The following ACSM2A variants were observed in gnomAD, a reference collection of about 807,000 sequenced individuals.
The protein encoded by ACSM2A is acyl-coenzyme A synthetase ACSM2A, mitochondrial.
ACSM2A carries 72 observed loss-of-function variants against 76.6 expected under a neutral mutation model. That is an observed-to-expected ratio of 0.94 (90% CI 0.78 to 1.14). The LOEUF (loss-of-function observed/expected upper bound fraction) is 1.14, where lower values mean the gene tolerates loss of function less well. Among genes scored for constraint, ACSM2A ranks in the 50% most tolerant of loss-of-function variants. The pLI is 0.00. For synonymous variants in ACSM2A, 249 were observed against 255.9 expected (o/e 0.97, Z 0.26); for missense variants, 684 against 708.5 (o/e 0.97, Z 0.39).
chr16:20,463,576 A>G (rs1444777323), intron 2 of ACSM2A, among the ~76,000 whole-genome samples: 4 of 151,906 alleles, frequency 2.6e-5, no homozygotes, highest in African/African-American at 9.7e-5. Context: ...CTCCCCCTTC[A>G]CCTTCTTCCA....
intron 5 of ACSM2A, 83 bp downstream of exon 5, chr16:20,471,299 C>A: frequency 1.3e-6 from 2 of 1,553,786 alleles, no homozygotes; most frequent in South Asian, 2.5e-5. Flanking sequence ...TATATTAAGT[C>A]AGGTCAACCG....
intron 3 of ACSM2A, among the ~76,000 whole-genome samples, chr16:20,466,543 C>T (rs1164614033): frequency 1.3e-5 from 2 of 152,176 alleles, no homozygotes; most frequent in African/African-American, 4.8e-5. Context: ...CTTAAATCCA[C>T]CTCCCCAGGA....
intron 6 of ACSM2A, among the ~76,000 whole-genome samples, chr16:20,474,630 A>T (rs914107609): frequency 2.6e-5 from 4 of 152,228 alleles, no homozygotes; most frequent in African/African-American, 9.6e-5. Context: ...CATAAAGAAA[A>T]GCATGGGATG....
At chr16:20,472,558 A>G (rs2013481343) in intron 6 of ACSM2A, among the ~76,000 whole-genome samples, 1 of 152,092 alleles carries the variant, frequency 6.6e-6, no homozygotes, top group African/African-American at 2.4e-5. Context: ...AATTCATATC[A>G]GACACCCCTG....
intron 4 of ACSM2A, among the ~76,000 whole-genome samples, chr16:20,470,476 T>C (rs1184116417): frequency 1.3e-5 from 2 of 152,194 alleles, no homozygotes; most frequent in Non-Finnish European, 2.9e-5. Context: ...GCACATATGA[T>C]AGGAAACTTG....
chr16:20,481,065 C>T lies in ACSM2A; in HGVS notation c.1509+144C>T, dbSNP rs1617226. ...CACTTACTAGCTATGTGACCTTGGG[C>T]AAGCTACTTGGCCTCTCTGTTTCTC... On this transcript the variant is annotated intron_variant, in intron 12 of 13. Transcript: ENST00000573854. 0.067 allele frequency: 69,761 copies of T among 1,046,470 alleles called. 3,887 individuals carry two copies. The highest frequency in any genetic ancestry group is 0.23 in the East Asian group (8,845 of 37,780). 64.8% of individuals were successfully genotyped at this position (1,046,470 alleles called of 1,614,324 possible).
At chr16:20,454,013 CT>C (rs1419501328) in intron 1 of ACSM2A, 1 of 117,770 alleles carries the variant, frequency 8.5e-6, no homozygotes, top group Non-Finnish European at 1.7e-5. Context: ...CTAATTTTGC[CT>C]TTGCCTTGTG....
At chr16:20,473,162 C>G (rs1378157484) in intron 6 of ACSM2A, among the ~76,000 whole-genome samples, 2 of 152,118 alleles carry the variant, frequency 1.3e-5, no homozygotes, top group African/African-American at 4.8e-5. Context: ...TTGGCTGCAG[C>G]AAAGGTTCAA....
At position 20,471,690 on chromosome 16, in the gene ACSM2A, G is replaced by T. The variant is rs1252287991; in HGVS notation, c.894+1G>T. Reference sequence around the variant, plus strand: ...GTTTGACCCACTGGTTATTCTAAAGGTAAGAGAGGATCCAGTTTGCAGCAG... The same window carrying T: ...GTTTGACCCACTGGTTATTCTAAAGTTAAGAGAGGATCCAGTTTGCAGCAG... On this transcript the variant is annotated splice_donor_variant, in intron 6 of 13. Coordinates refer to ENST00000573854, the MANE Select transcript of ACSM2A (RefSeq NM_001308172.2). LOFTEE classifies it high-confidence loss of function. 2 of 1,606,260 alleles carry T rather than the reference G, an allele frequency of 1.2e-6. No homozygotes were observed. The highest frequency in any genetic ancestry group is 1.7e-6 in the Non-Finnish European group (2 of 1,175,894).
At position 20,458,902 on chromosome 16, in the gene ACSM2A, A is replaced by ATAG. The variant is rs371980024; in HGVS notation, c.-8-1204_-8-1203insAGT. 7.0e-4 allele frequency among the ~76,000 whole-genome samples: 32 copies of ATAG among 45,778 alleles called. No homozygotes were observed. The East Asian group carries it at 0.031, about 44-fold the overall frequency. The allele number at this position is 45,778 out of a possible 152,430, so 30.0% of individuals were successfully genotyped here. A position where few individuals can be genotyped will look rare whatever the true frequency, so the allele number is the denominator to read the frequency against. On this transcript the variant is annotated intron_variant, in intron 1 of 13. Transcript: ENST00000573854. ...CATACATAGTATATATTATATATATATGCATATATATATATATATATATAT... is the reference window on the plus strand; with the variant it reads ...CATACATAGTATATATTATATATATATAGTGCATATATATATATATATATATAT...
intron 3 of ACSM2A, 136 bp from the exon 4 acceptor site, chr16:20,469,376 T>TA (rs1370450920): frequency 6.8e-7 from 1 of 1,463,362 alleles, no homozygotes; most frequent in East Asian, 2.5e-5. Context: ...TTCCCTTTTT[T>TA]ATTGACACTC....
Position 20,476,554 on chromosome 16 carries a change from C to A in ACSM2A, c.1098+781C>A. 3.0e-6 allele frequency: 3 copies of A among 985,388 alleles called. No individual in the cohort carries two copies. The African/African-American group carries it at 5.2e-5, about 17-fold the overall frequency. The allele number at this position is 985,388 out of a possible 1,614,324, so 61.0% of individuals were successfully genotyped here. A position where few individuals can be genotyped will look rare whatever the true frequency, so the allele number is the denominator to read the frequency against. ...GGACAATGGAGTTGTGGCAAGCATA[C>A]CCTGGCAGGGGCCTCCCACCATTCA... On this transcript the variant is annotated intron_variant, in intron 8 of 13. Coordinates refer to ENST00000573854, the MANE Select transcript of ACSM2A (RefSeq NM_001308172.2).
At chr16:20,459,153 A>C (rs1395607075) in intron 1 of ACSM2A, among the ~76,000 whole-genome samples, 2 of 151,806 alleles carry the variant, frequency 1.3e-5, no homozygotes, top group Non-Finnish European at 2.9e-5. Flanking sequence ...GGGGGAAATG[A>C]TGGGAAGGAG....
chr16:20,476,404 C>T lies in ACSM2A; in HGVS notation c.1098+631C>T, dbSNP rs1228849740. ...TGACTCTCAGCACTTCTTGCCTCTT[C>T]CTCTCCACTCTCTTACCCTGCATCC... On this transcript the variant is annotated intron_variant, in intron 8 of 13. Transcript: ENST00000573854. 6.1e-6 allele frequency: 6 copies of T among 985,784 alleles called. 1 individual carries two copies. In the Middle Eastern group the frequency reaches 2.1e-3, roughly 343 times the overall value. 61.1% of individuals were successfully genotyped at this position (985,784 alleles called of 1,614,324 possible). A position where few individuals can be genotyped will look rare whatever the true frequency, so the allele number is the denominator to read the frequency against.
chr16:20,473,916 A>T, intron 6 of ACSM2A: 1 of 370,518 alleles, frequency 2.7e-6, no homozygotes, highest in Non-Finnish European at 5.2e-6. Context: ...GGTCTCCACA[A>T]TTATTTATCT....
chr16:20,467,972 C>A (rs752918772), intron 3 of ACSM2A, among the ~76,000 whole-genome samples: 4 of 151,914 alleles, frequency 2.6e-5, no homozygotes, highest in Non-Finnish European at 5.9e-5. Context: ...ACCTCATATT[C>A]TGGGGACAAT....
Position 20,486,729 on chromosome 16 carries a change from C to G in ACSM2A, c.*51C>G. 6.3e-7 allele frequency: 1 copy of G among 1,597,628 alleles called. No homozygotes were observed. The highest frequency in any genetic ancestry group is 8.6e-7 in the Non-Finnish European group (1 of 1,166,476). ...TTCCCCTCTTCTTTCTCTTTCTTTTCCCTTTGGGCCCTTGGCCTTCCTATG... is the reference window on the plus strand; with the variant it reads ...TTCCCCTCTTCTTTCTCTTTCTTTTGCCTTTGGGCCCTTGGCCTTCCTATG... On this transcript the variant is annotated 3_prime_UTR_variant, in exon 14 of 14. Coordinates refer to ENST00000573854, the MANE Select transcript of ACSM2A (RefSeq NM_001308172.2).
chr16:20,467,203 G>T (rs974590658), intron 3 of ACSM2A, among the ~76,000 whole-genome samples: 1 of 152,166 alleles, frequency 6.6e-6, no homozygotes, highest in African/African-American at 2.4e-5. Context: ...TGAAGTCCAG[G>T]CCATAAAAGA....
intron 13 of ACSM2A, among the ~76,000 whole-genome samples, chr16:20,483,569 CAAAAAAAAAAAAAAAAAA>C (rs60606533): frequency 5.9e-4 from 19 of 32,224 alleles, no homozygotes; most frequent in East Asian, 3.6e-3. Flanking sequence ...GACTCTGTCT[CAAAAAAAAAAAAAAAAAA>C]AAAAAAAAAA....
Sources: gnomAD v4.1 joint callset for allele counts (sites outside exome capture counted in the v4.1 genomes callset) on GRCh38, gnomAD v4.1.1 for gene constraint, MANE v1.5 for transcripts, NCBI Gene and HGNC (gene_info 2026-07-23, HGNC 2026-07-21) for gene names.